The following VAV2 variants were observed in gnomAD, a reference collection of about 807,000 sequenced individuals.
The protein encoded by VAV2 is vav guanine nucleotide exchange factor 2, also known as guanine nucleotide exchange factor VAV2.
A neutral mutation model predicts 132.5 loss-of-function variants in VAV2; 67 were observed. The ratio of observed to expected loss-of-function variants is 0.51; its 90% CI spans 0.42 to 0.62. The LOEUF is 0.62. VAV2 is among the 20% of genes least tolerant of loss of function. The pLI is 0.00. For missense variants in VAV2, 938 were observed against 1,153.6 expected, an observed-to-expected ratio of 0.81 and a Z score of 2.71; for synonymous variants, 492 against 443.5, an observed-to-expected ratio of 1.11 and a Z score of -1.37.
intron 1 of VAV2, among the ~76,000 whole-genome samples, chr9:133,940,729 C>G (rs906260537): frequency 1.4e-5 from 2 of 147,702 alleles, no homozygotes; most frequent in Non-Finnish European, 3.0e-5. Context: ...TCGAGATTAA[C>G]TACAGTAATG....
At chr9:133,933,997 T>A (rs575900521) in intron 2 of VAV2, among the ~76,000 whole-genome samples, 3 of 143,442 alleles carry the variant, frequency 2.1e-5, no homozygotes, top group Admixed American at 2.1e-4. Context: ...AATGGGTGGG[T>A]AGATGGATGG....
chr9:133,949,274 TC>T (rs1841475324), intron 1 of VAV2, among the ~76,000 whole-genome samples: 2 of 152,022 alleles, frequency 1.3e-5, no homozygotes, highest in South Asian at 4.2e-4. Context: ...TTCCCCTCCT[TC>T]CCCGAGGACG....
intron 2 of VAV2, among the ~76,000 whole-genome samples, chr9:133,930,762 G>A (rs542732987): frequency 2.3e-4 from 35 of 152,294 alleles, no homozygotes; most frequent in African/African-American, 7.9e-4. Context: ...GATTACTCCC[G>A]TGGAGGAGGG....
At chr9:133,817,414 A>G (rs574567657) in intron 4 of VAV2, among the ~76,000 whole-genome samples, 76 of 152,118 alleles carry the variant, frequency 5.0e-4, no homozygotes, top group African/African-American at 1.6e-3. Context: ...GCACTTTGGG[A>G]GGCCGAGGTG....
chr9:133,804,093 G>A lies in VAV2; in HGVS notation c.836+1988C>T, dbSNP rs950482460. On this transcript the variant is annotated intron_variant, in intron 9 of 29. Transcript: ENST00000371850. The surrounding 1 kb of genome is among the most constrained non-coding windows in gnomAD (Gnocchi z 4.5). ...AGAGGCCAGTAGCTCTGTTCACTGCGTGTCCTCAGTCCAGAGCTCAGGAGC... is the reference window on the plus strand; with the variant it reads ...AGAGGCCAGTAGCTCTGTTCACTGCATGTCCTCAGTCCAGAGCTCAGGAGC... Among the ~76,000 whole-genome samples the A allele has an allele frequency of 2.0e-5, 3 of 152,128 alleles. No individual in the cohort carries two copies. The highest frequency in any genetic ancestry group is 1.3e-4 in the Admixed American group (2 of 15,278).
chr9:133,970,859 C>T (rs544162192), intron 1 of VAV2, among the ~76,000 whole-genome samples: 48 of 152,354 alleles, frequency 3.2e-4, no homozygotes, highest in African/African-American at 1.0e-3. Flanking sequence ...CTTTAATCTA[C>T]AGCCTGGCTC....
rs1453554291 is a variant in VAV2 at position 133,939,234 on chromosome 9, C to G, written c.205-15G>C. On this transcript the variant is annotated splice_polypyrimidine_tract_variant and intron_variant, in intron 1 of 29. Coordinates refer to ENST00000371850, the MANE Select transcript of VAV2 (RefSeq NM_001134398.2). ...AAACACAGAAACTAAAGGGAAAAAACAAAGGGAGGGCAAGGAAAAACTTAT... is the reference window on the plus strand; with the variant it reads ...AAACACAGAAACTAAAGGGAAAAAAGAAAGGGAGGGCAAGGAAAAACTTAT... The G allele has an allele frequency of 6.2e-7, 1 of 1,609,046 alleles. No homozygotes were observed. Among genetic ancestry groups the G allele is most frequent in the East Asian group, 2.2e-5 (1 of 44,852 alleles).
At chr9:133,783,876 C>CTTTTTTTTTTTTTTTT (rs1564342140) in intron 18 of VAV2, among the ~76,000 whole-genome samples, 1 of 124,974 alleles carries the variant, frequency 8.0e-6, no homozygotes, top group Non-Finnish European at 1.6e-5. Context: ...TTGGCTGGGC[C>CTTTTTTTTTTTTTTTT]GTTTTTTTTT....
At chr9:133,813,320 G>A (rs1023566811) in intron 4 of VAV2, among the ~76,000 whole-genome samples, 2 of 152,356 alleles carry the variant, frequency 1.3e-5, no homozygotes, top group South Asian at 2.1e-4. Context: ...GCAGGGAGGC[G>A]AGGCAGGGAC....
intron 3 of VAV2, among the ~76,000 whole-genome samples, chr9:133,836,013 T>G (rs1267255732): frequency 1.3e-5 from 2 of 152,180 alleles, no homozygotes; most frequent in East Asian, 3.8e-4. Flanking sequence ...TTGAGGTGTG[T>G]GTCCCTGGGT....
chr9:133,779,611 G>A (rs774701071), intron 21 of VAV2, among the ~76,000 whole-genome samples: 3 of 152,214 alleles, frequency 2.0e-5, no homozygotes, highest in African/African-American at 7.2e-5. Context: ...GAACAGCAGC[G>A]CCTTTTGATC....
intron 2 of VAV2, among the ~76,000 whole-genome samples, chr9:133,929,711 C>T (rs1309043931): frequency 1.3e-5 from 2 of 152,144 alleles, no homozygotes; most frequent in African/African-American, 4.8e-5. Flanking sequence ...CCATCATCTG[C>T]AGCAGGTGCA....
At chr9:133,853,369 C>G (rs969701571) in intron 3 of VAV2, among the ~76,000 whole-genome samples, 1 of 152,142 alleles carries the variant, frequency 6.6e-6, no homozygotes, top group African/African-American at 2.4e-5. Context: ...CCAGGCTGAG[C>G]AGCAGCACTG....
intron 1 of VAV2, among the ~76,000 whole-genome samples, chr9:133,971,915 G>A (rs1020245920): frequency 5.9e-5 from 9 of 152,276 alleles, no homozygotes; most frequent in Admixed American, 2.0e-4. Flanking sequence ...GCAGATCCCC[G>A]AGCCCTTGGT....
At chr9:133,902,967 A>G (rs1055989537) in intron 2 of VAV2, among the ~76,000 whole-genome samples, 6 of 151,422 alleles carry the variant, frequency 4.0e-5, no homozygotes, top group African/African-American at 1.5e-4. Flanking sequence ...CCCAGCTACT[A>G]GGGAGGCTAA....
At chr9:133,808,039 C>T (rs951683659) in intron 7 of VAV2, among the ~76,000 whole-genome samples, 16 of 148,628 alleles carry the variant, frequency 1.1e-4, no homozygotes, top group Non-Finnish European at 2.0e-4. Context: ...CAAGCAAACA[C>T]GCCCGGGTGG....
chr9:133,917,219 G>A (rs1588367084), intron 2 of VAV2, among the ~76,000 whole-genome samples: 1 of 152,200 alleles, frequency 6.6e-6, no homozygotes, highest in South Asian at 2.1e-4. Context: ...TCTTCCAGGG[G>A]CCAAGTTCTT....
chr9:133,783,876 C>CTTTT lies in VAV2; in HGVS notation c.1635-286_1635-285insAAAA, dbSNP rs1564342140. ...TGAAACTCTAAGGGCTTGGCTGGGC[C>CTTTT]GTTTTTTTTTTTTTTTTTTTTGGAG... On this transcript the variant is annotated intron_variant, in intron 18 of 29. Transcript: ENST00000371850. Among the ~76,000 whole-genome samples the CTTTT allele has an allele frequency of 8.0e-5, 10 of 125,004 alleles. 2 individuals carry two copies. The highest frequency in any genetic ancestry group is 6.5e-5 in the Non-Finnish European group (4 of 61,592). 82.0% of individuals were successfully genotyped at this position (125,004 alleles called of 152,430 possible).
At chr9:133,801,964 T>C (rs1250632374) in intron 9 of VAV2, among the ~76,000 whole-genome samples, 7 of 152,064 alleles carry the variant, frequency 4.6e-5, no homozygotes, top group East Asian at 3.9e-4. Context: ...ACATCTCTGT[T>C]GTTTCAAGCC....
Sources: allele counts gnomAD v4.1 joint callset (sites outside exome capture counted in the v4.1 genomes callset), GRCh38; gene constraint gnomAD v4.1.1; non-coding constraint Gnocchi (gnomAD v3.1); transcripts MANE v1.5; gene names NCBI Gene and HGNC (gene_info 2026-07-23, HGNC 2026-07-21).